ZNF362: variants seen among roughly 807,000 people sequenced by gnomAD.
The protein encoded by ZNF362 is rotund homolog.
ZNF362 carries 11 observed loss-of-function variants against 42.9 expected under a neutral mutation model. The ratio of observed to expected loss-of-function variants is 0.26; its 90% CI spans 0.16 to 0.42. ZNF362 has a LOEUF of 0.42. Among genes scored for constraint, ZNF362 ranks in the 20% least tolerant of loss-of-function variants. The probability of loss-of-function intolerance (pLI) is 1.00; values close to 1 mark genes in which losing one functional copy is unlikely to be tolerated. For synonymous variants in ZNF362, 255 were observed against 257.3 expected (o/e 0.99, Z 0.09); for missense variants, 362 against 576.2 (o/e 0.63, Z 3.81).
Position 33,279,561 on chromosome 1 carries a change from T to C in ZNF362, c.350-563T>C, listed in dbSNP as rs1645975602. ...TTTGCTTCAGTTGATATTATGTTTCTAGTCCTATCATTTTTAAAAGAATAA... is the reference window on the plus strand; with the variant it reads ...TTTGCTTCAGTTGATATTATGTTTCCAGTCCTATCATTTTTAAAAGAATAA... On this transcript the variant is annotated intron_variant, in intron 4 of 8. Transcript: ENST00000539719. 2.6e-5 allele frequency among the ~76,000 whole-genome samples: 4 copies of C among 152,146 alleles called. No individual in the cohort carries two copies. In the South Asian group the frequency reaches 8.3e-4, roughly 32 times the overall value.
At chr1:33,276,872 TAG>T (rs1645954501) in intron 4 of ZNF362, among the ~76,000 whole-genome samples, 2 of 152,194 alleles carry the variant, frequency 1.3e-5, no homozygotes, top group African/African-American at 4.8e-5. Flanking sequence ...TAGGTTCACA[TAG>T]AGAACTTTGG....
the ZNF362 span, among the ~76,000 whole-genome samples, chr1:33,155,047 C>A: frequency 1.4e-5 from 2 of 142,932 alleles, no homozygotes; most frequent in Non-Finnish European, 3.1e-5. Flanking sequence ...GAGCCGAGAT[C>A]GCGCCACTGC....
chr1:33,147,699 G>T, the ZNF362 span: 1 of 1,613,102 alleles, frequency 6.2e-7, no homozygotes, highest in Non-Finnish European at 8.5e-7. This position sits in a 1 kb window ranked among gnomAD's most constrained non-coding sequence, Gnocchi z 8.1. Flanking sequence ...GGTGGGCTGT[G>T]CCCGGGTCCA....
the ZNF362 span, among the ~76,000 whole-genome samples, chr1:33,211,004 G>A: frequency 6.6e-6 from 1 of 151,642 alleles, no homozygotes; most frequent in African/African-American, 2.4e-5. Flanking sequence ...CACAATCCTG[G>A]CTCACTGCAA....
the ZNF362 span, chr1:33,163,693 G>A: frequency 6.6e-6 from 1 of 152,422 alleles, no homozygotes; most frequent in Non-Finnish European, 1.5e-5. Context: ...CCCCGCCAGG[G>A]CGCCGACCAA....
At chr1:33,296,276 C>T (rs879399365) in intron 8 of ZNF362, among the ~76,000 whole-genome samples, 2 of 152,140 alleles carry the variant, frequency 1.3e-5, no homozygotes, top group African/African-American at 2.4e-5. Context: ...CAGTAGCAAC[C>T]GCTCCCCAAG....
the ZNF362 span, among the ~76,000 whole-genome samples, chr1:33,241,612 A>C: frequency 6.6e-6 from 1 of 152,244 alleles, no homozygotes; most frequent in Non-Finnish European, 1.5e-5. Context: ...GTGTATAGAA[A>C]TCATGGAAAA....
At chr1:33,137,994 A>G in the ZNF362 span, among the ~76,000 whole-genome samples, 1 of 152,314 alleles carries the variant, frequency 6.6e-6, no homozygotes, top group Non-Finnish European at 1.5e-5. Context: ...GCTTCTACTT[A>G]CTGCACCGGT....
the ZNF362 span, among the ~76,000 whole-genome samples, chr1:33,139,078 C>T: frequency 6.6e-6 from 1 of 152,250 alleles, no homozygotes; most frequent in Non-Finnish European, 1.5e-5. Flanking sequence ...AGAATTTCTA[C>T]TGTGTTTATT....
At chr1:33,182,120 C>T in the ZNF362 span, 1 of 152,068 alleles carries the variant, frequency 6.6e-6, no homozygotes, top group Non-Finnish European at 1.5e-5. Context: ...GCAACTCCGC[C>T]CCCGCAGCGG....
At chr1:33,283,298 T>C (rs1240692584) in intron 6 of ZNF362, among the ~76,000 whole-genome samples, 1 of 152,196 alleles carries the variant, frequency 6.6e-6, no homozygotes, top group African/African-American at 2.4e-5. Context: ...TTTTTTGTTT[T>C]TGTCATTTAT....
chr1:33,275,730 G>T (rs1645939451), intron 2 of ZNF362, among the ~76,000 whole-genome samples: 1 of 152,186 alleles, frequency 6.6e-6, no homozygotes, highest in Non-Finnish European at 1.5e-5. Context: ...TGGACTTGGG[G>T]GGCCTTCTGT....
the ZNF362 span, among the ~76,000 whole-genome samples, chr1:33,238,363 T>TAAAATAAAATAATAA: frequency 4.2e-5 from 3 of 71,720 alleles, no homozygotes; most frequent in South Asian, 4.8e-4. Context: ...TAAAATAAAA[T>TAAAATAAAATAATAA]AATAAAATAA....
chr1:33,296,825 T>G (rs1646127954), intron 8 of ZNF362, among the ~76,000 whole-genome samples: 1 of 85,020 alleles, frequency 1.2e-5, no homozygotes, highest in East Asian at 3.5e-4. Context: ...TCAGGAAGGG[T>G]TTTTTTTTTT....
At chr1:33,286,626 A>C (rs561470575) in intron 6 of ZNF362, among the ~76,000 whole-genome samples, 1 of 152,296 alleles carries the variant, frequency 6.6e-6, no homozygotes, top group East Asian at 1.9e-4. Flanking sequence ...TTGCACATAT[A>C]ATTAAACTGA....
chr1:33,250,954 C>G, the ZNF362 span, among the ~76,000 whole-genome samples: 2 of 152,008 alleles, frequency 1.3e-5, no homozygotes, highest in Non-Finnish European at 2.9e-5. Context: ...ATCGGAGGTA[C>G]ACCCCTCCTC....
the ZNF362 span, among the ~76,000 whole-genome samples, chr1:33,182,424 C>G: frequency 6.6e-6 from 1 of 152,220 alleles, no homozygotes; most frequent in Non-Finnish European, 1.5e-5. Context: ...AAAGATAAAA[C>G]TCTTGAAATG....
At chr1:33,222,914 C>G in the ZNF362 span, among the ~76,000 whole-genome samples, 1 of 152,070 alleles carries the variant, frequency 6.6e-6, no homozygotes, top group Non-Finnish European at 1.5e-5. Context: ...CTGTGCTGTT[C>G]TCTTGAGAGT....
At chr1:33,254,635 A>G (rs112415854), upstream of ZNF362, among the ~76,000 whole-genome samples, 1,159 of 152,308 alleles carry the variant, frequency 7.6e-3, 13 homozygotes, top group African/African-American at 0.026. Flanking sequence ...TATCAAGCAC[A>G]TATCAACATG....
Sources: allele counts gnomAD v4.1 joint callset (sites outside exome capture counted in the v4.1 genomes callset), GRCh38; gene constraint gnomAD v4.1.1; non-coding constraint Gnocchi (gnomAD v3.1); transcripts MANE v1.5; gene names NCBI Gene and HGNC (gene_info 2026-07-23, HGNC 2026-07-21).